Variants in DOCK4 observed in about 807,000 individuals in gnomAD.
DOCK4 encodes the protein dedicator of cytokinesis 4.
In DOCK4, 97 loss-of-function variants were observed where a neutral mutation model predicts 268.1. The ratio of observed to expected loss-of-function variants is 0.36; its 90% confidence interval spans 0.31 to 0.43. The LOEUF (loss-of-function observed/expected upper bound fraction) is 0.43. Ranked by LOEUF, DOCK4 falls within the 20% of genes least tolerant of loss-of-function variation. DOCK4 has a pLI of 1.00. For missense variants in DOCK4, 2,145 were observed against 2,455.7 expected, an observed-to-expected ratio of 0.87 and a Z score of 2.67; for synonymous variants, 954 against 887.2, an observed-to-expected ratio of 1.08 and a Z score of -1.34.
intron 16 of DOCK4, among the ~76,000 whole-genome samples, chr7:111,882,366 T>C (rs1372180590): frequency 6.6e-6 from 1 of 152,194 alleles, no homozygotes. Flanking sequence ...TTTATTTTGG[T>C]TTATCTGTAT....
In DOCK4 at chr7:111,784,076, AATTTGC is replaced by A. The variant is rs780007029; in HGVS notation, c.3428+15_3428+20del. ...CACTGCAACATCTCACAAGTAGCAC[AATTTGC>A]AAACAATGTCTTACCTAGGATAGGG... On this transcript the variant is annotated intron_variant, in intron 33 of 52. Coordinates refer to ENST00000428084, the MANE Select transcript of DOCK4 (RefSeq NM_001363540.2). 1 of 1,580,752 alleles carries A rather than the reference AATTTGC, an allele frequency of 6.3e-7. No homozygotes were observed. The highest frequency in any genetic ancestry group is 1.7e-4 in the Middle Eastern group (1 of 6,024).
At chr7:112,123,895 A>G (rs1812975359) in intron 1 of DOCK4, among the ~76,000 whole-genome samples, 1 of 152,222 alleles carries the variant, frequency 6.6e-6, no homozygotes, top group Non-Finnish European at 1.5e-5. Context: ...ATCTAACTAG[A>G]AGTAACAGAA....
At chr7:112,178,424 C>T (rs1188760944) in intron 1 of DOCK4, among the ~76,000 whole-genome samples, 1 of 152,022 alleles carries the variant, frequency 6.6e-6, no homozygotes, top group Non-Finnish European at 1.5e-5. Flanking sequence ...CTATGAGAGA[C>T]CAAAAAAATC....
At chr7:111,889,015 G>C (rs976139259) in intron 16 of DOCK4, among the ~76,000 whole-genome samples, 1 of 152,086 alleles carries the variant, frequency 6.6e-6, no homozygotes, top group Admixed American at 6.6e-5. Context: ...AGAACATTTT[G>C]GGAGAGCTGA....
In DOCK4 at chr7:111,863,534, A is replaced by G; in HGVS notation, c.2311T>C (p.Tyr771His). The G allele has an allele frequency of 4.3e-6, 7 of 1,610,920 alleles. No homozygotes were observed. Among genetic ancestry groups the G allele is most frequent in the Non-Finnish European group, 5.9e-6 (7 of 1,177,730 alleles). The change falls in exon 23 of 53, where the codon TAC (tyrosine) becomes CAC (histidine). Residue 771 changes from tyrosine to histidine, a missense_variant. This residue lies in a region of DOCK4 where 1,598 missense variants were observed against 1,986.7 expected (regional missense o/e 0.80). Coordinates refer to ENST00000428084, the MANE Select transcript of DOCK4 (RefSeq NM_001363540.2). ...AVFLSSFPAV[Y>H]SELLKLFDVR... The stretch of plus-strand genomic sequence containing the variant: ...TCAAAGAGCTTCAACAGTTCTGAGT[A>G]CACGGCAGGGAAAGAGCTCAGAAAC...
chr7:112,166,760 T>G (rs1398594588), intron 1 of DOCK4, among the ~76,000 whole-genome samples: 1 of 152,186 alleles, frequency 6.6e-6, no homozygotes, highest in Admixed American at 6.5e-5. Context: ...TGTTAAATGT[T>G]TAATGTCACT....
chr7:111,954,797 C>G (rs536958733), intron 8 of DOCK4, among the ~76,000 whole-genome samples: 1 of 152,286 alleles, frequency 6.6e-6, no homozygotes, highest in Non-Finnish European at 1.5e-5. Flanking sequence ...AAACAGGGTA[C>G]TGCTCCACAC....
Position 111,728,405 on chromosome 7 carries a change from C to A in DOCK4, c.5797G>T (p.Val1933Phe). Reference sequence around the variant, plus strand: ...GGCAGCGCGGGCGGCTCCGACGTGACGGGGATGGAGAGGCTGTGAGGTAGC... The same window carrying A: ...GGCAGCGCGGGCGGCTCCGACGTGAAGGGGATGGAGAGGCTGTGAGGTAGC... Reference protein sequence around the residue: ...VPLPHSLSIPVTSEPPALPPK... With the variant: ...VPLPHSLSIPFTSEPPALPPK... Residue 1933 changes from valine (V) to phenylalanine (F), a missense_variant, in exon 53 of 53, where the codon GTC (valine) becomes TTC (phenylalanine). Around this residue, in one of 2 missense-constraint regions of DOCK4, gnomAD observed 547 missense variants for 469.0 expected, o/e 1.17. Coordinates refer to ENST00000428084, the MANE Select transcript of DOCK4 (RefSeq NM_001363540.2). 2 of 1,566,614 alleles carry A rather than the reference C, an allele frequency of 1.3e-6. No homozygotes were observed. Among genetic ancestry groups the A allele is most frequent in the Non-Finnish European group, 8.7e-7 (1 of 1,154,688 alleles).
intron 25 of DOCK4, among the ~76,000 whole-genome samples, chr7:111,843,561 AC>A (rs1341258676): frequency 6.6e-6 from 1 of 152,188 alleles, no homozygotes; most frequent in African/African-American, 2.4e-5. Flanking sequence ...CTCCAAAAAA[AC>A]GGGTAACACC....
intron 39 of DOCK4, among the ~76,000 whole-genome samples, chr7:111,763,953 G>GT (rs1563471208): frequency 6.6e-6 from 1 of 152,162 alleles, no homozygotes; most frequent in Non-Finnish European, 1.5e-5. Flanking sequence ...AGCCTCCCAA[G>GT]TTTTTGGGAT....
intron 21 of DOCK4, 104 bp from the exon 22 acceptor site, chr7:111,868,258 T>A (rs1021963383): frequency 1.1e-6 from 1 of 903,604 alleles, no homozygotes; most frequent in Non-Finnish European, 1.6e-6. Flanking sequence ...ACTTTTACAT[T>A]ATTCATGTAG....
At chr7:111,956,848 CTG>C (rs1796489664) in intron 8 of DOCK4, among the ~76,000 whole-genome samples, 1 of 152,144 alleles carries the variant, frequency 6.6e-6, no homozygotes. Context: ...ACTAAATTGA[CTG>C]AGATCTGTTT....
chr7:112,092,906 T>C (rs544687176), intron 1 of DOCK4, among the ~76,000 whole-genome samples: 1 of 152,234 alleles, frequency 6.6e-6, no homozygotes, highest in East Asian at 1.9e-4. Context: ...GTTCTCTCAG[T>C]GGGCGTTTGG....
intron 42 of DOCK4, among the ~76,000 whole-genome samples, chr7:111,751,826 C>T (rs1229000092): frequency 6.6e-6 from 1 of 151,936 alleles, no homozygotes; most frequent in Non-Finnish European, 1.5e-5. Context: ...GATCATAGTT[C>T]ACTGTAACCT....
chr7:112,114,512 C>G (rs1367078705), intron 1 of DOCK4, among the ~76,000 whole-genome samples: 2 of 152,148 alleles, frequency 1.3e-5, no homozygotes, highest in Admixed American at 1.3e-4. Context: ...GTGTGTCAGT[C>G]TACCAAGTAA....
chr7:111,825,940 C>T (rs148087290), intron 26 of DOCK4, among the ~76,000 whole-genome samples: 191 of 152,200 alleles, frequency 1.3e-3, no homozygotes, highest in African/African-American at 4.4e-3. Context: ...TTATAAATAT[C>T]GGGTGCTTTA....
intron 12 of DOCK4, among the ~76,000 whole-genome samples, chr7:111,931,967 A>G (rs1162087854): frequency 1.3e-5 from 2 of 152,212 alleles, no homozygotes. Context: ...TCCTGTCTGT[A>G]AGCAGAGGGA....
intron 12 of DOCK4, among the ~76,000 whole-genome samples, chr7:111,918,215 C>A (rs1377280255): frequency 6.6e-6 from 1 of 152,178 alleles, no homozygotes; most frequent in Non-Finnish European, 1.5e-5. Context: ...ACGACATGAT[C>A]GTGTCCTCAC....
chr7:111,969,837 A>C (rs1208813708), intron 8 of DOCK4, among the ~76,000 whole-genome samples: 1 of 152,222 alleles, frequency 6.6e-6, no homozygotes, highest in African/African-American at 2.4e-5. Context: ...CCAATTTTAA[A>C]TGCAAGCTAA....
Sources: gnomAD v4.1 joint callset for allele counts (sites outside exome capture counted in the v4.1 genomes callset) on GRCh38, gnomAD v4.1.1 for gene constraint, gnomAD v4.1.1 regional missense constraint, MANE v1.5 for transcripts, NCBI Gene and HGNC (gene_info 2026-07-23, HGNC 2026-07-21) for gene names.